TLN2: variants seen among roughly 807,000 people sequenced by gnomAD.
The protein encoded by TLN2 is talin 2, also known as talin-2.
A neutral mutation model predicts 294.7 loss-of-function variants in TLN2; 118 were observed. The ratio of observed to expected loss-of-function variants is 0.40; its 90% confidence interval spans 0.34 to 0.47. TLN2 has a LOEUF of 0.47. Ranked by LOEUF, TLN2 falls within the 20% of genes least tolerant of loss-of-function variation. The probability of loss-of-function intolerance (pLI) is 0.84; values close to 1 mark genes in which losing one functional copy is unlikely to be tolerated. For missense variants in TLN2, 3,083 were observed against 3,282.2 expected, an observed-to-expected ratio of 0.94 and a Z score of 1.48; for synonymous variants, 1,431 against 1,304.5, an observed-to-expected ratio of 1.10 and a Z score of -2.09.
chr15:62,711,826 A>C lies in TLN2; in HGVS notation c.2468-85A>C. ...TTTTGCTCCTGCTTACCAGAGGAGT[A>C]GAGACAAGACTGTAGTGGCTCCTGA... On this transcript the variant is annotated intron_variant, in intron 21 of 58. Transcript: ENST00000636159. 3 of 1,444,476 alleles carry C rather than the reference A, an allele frequency of 2.1e-6. No individual in the cohort carries two copies. The South Asian group carries it at 4.6e-5, about 22-fold the overall frequency. 89.5% of individuals were successfully genotyped at this position (1,444,476 alleles called of 1,614,324 possible).
In TLN2 at chr15:62,710,503, A is replaced by G. The variant is rs140307717; in HGVS notation, c.2468-1408A>G. Reference sequence around the variant, plus strand: ...ATTTGTTGTTGTTTGTTTGTTTTTGACAATCCTTTTATTTTGAAATACTTT... The same window carrying G: ...ATTTGTTGTTGTTTGTTTGTTTTTGGCAATCCTTTTATTTTGAAATACTTT... On this transcript the variant is annotated intron_variant, in intron 21 of 58. Transcript: ENST00000636159. Among the ~76,000 whole-genome samples, 589 of 152,258 alleles carry G rather than the reference A, an allele frequency of 3.9e-3. 4 individuals are homozygous for G. The highest frequency in any genetic ancestry group is 0.014 in the Middle Eastern group (4 of 294).
chr15:62,556,108 C>A (rs1341693945), intron 1 of TLN2, among the ~76,000 whole-genome samples: 1 of 150,862 alleles, frequency 6.6e-6, no homozygotes, highest in Non-Finnish European at 1.5e-5. Flanking sequence ...AATGGTAGTT[C>A]TCTCCATTAT....
chr15:62,663,527 A>G (rs2054156067), intron 9 of TLN2, among the ~76,000 whole-genome samples: 1 of 151,906 alleles, frequency 6.6e-6, no homozygotes, highest in African/African-American at 2.4e-5. Context: ...ATAGATAATC[A>G]GTCAGTCTAT....
intron 1 of TLN2, among the ~76,000 whole-genome samples, chr15:62,457,285 C>G (rs955027113): frequency 2.6e-5 from 4 of 152,284 alleles, no homozygotes; most frequent in African/African-American, 9.6e-5. Flanking sequence ...CGTGCATGCA[C>G]AGGCAGGCTC....
intron 36 of TLN2, chr15:62,755,324 T>G: frequency 1.7e-6 from 1 of 581,232 alleles, no homozygotes; most frequent in Non-Finnish European, 2.9e-6. Flanking sequence ...AGCACCTCCT[T>G]TTTTCTTATT....
At chr15:62,553,937 C>CT (rs145432218) in intron 1 of TLN2, among the ~76,000 whole-genome samples, 1,887 of 138,316 alleles carry the variant, frequency 0.014, 19 homozygotes, top group African/African-American at 0.018. Flanking sequence ...TTAATCTAAT[C>CT]TTTTTTTTTT....
chr15:62,454,208 T>C (rs1037271930), intron 1 of TLN2, among the ~76,000 whole-genome samples: 5 of 152,212 alleles, frequency 3.3e-5, no homozygotes, highest in African/African-American at 1.2e-4. Flanking sequence ...CTGATTGTAC[T>C]CCGGATGTTT....
chr15:62,772,839 T>C (rs1022756609), intron 42 of TLN2, among the ~76,000 whole-genome samples: 4 of 151,966 alleles, frequency 2.6e-5, no homozygotes, highest in African/African-American at 9.7e-5. Flanking sequence ...ATTTTTTGTA[T>C]TTTTAGTAGA....
intron 2 of TLN2, among the ~76,000 whole-genome samples, chr15:62,616,895 T>A (rs1434619962): frequency 6.6e-6 from 1 of 152,242 alleles, no homozygotes; most frequent in Non-Finnish European, 1.5e-5. Context: ...AAATGAGCAG[T>A]GCAGAGATTA....
intron 44 of TLN2, among the ~76,000 whole-genome samples, chr15:62,782,148 G>C (rs765368716): frequency 8.5e-5 from 13 of 152,226 alleles, no homozygotes; most frequent in Non-Finnish European, 1.5e-4. Flanking sequence ...GCTGTGCCCA[G>C]GTCCCCTCTG....
chr15:62,546,304 G>A lies in TLN2; in HGVS notation c.-237-43383G>A, dbSNP rs76471701. On this transcript the variant is annotated intron_variant, in intron 1 of 58. Transcript: ENST00000636159. The stretch of plus-strand genomic sequence containing the variant: ...GAAGCCTCCAGACAAGTGAGCTGGG[G>A]CACGGCTAATCTTCATCTGTGTTGG... Among the ~76,000 whole-genome samples, 1,472 of 152,286 alleles carry A rather than the reference G, an allele frequency of 9.7e-3. 17 individuals are homozygous for A. The highest frequency in any genetic ancestry group is 0.034 in the African/African-American group (1,419 of 41,542).
intron 1 of TLN2, among the ~76,000 whole-genome samples, chr15:62,572,653 T>C (rs1445704938): frequency 1.3e-5 from 2 of 152,200 alleles, no homozygotes; most frequent in Non-Finnish European, 1.5e-5. Context: ...GCTCAAAGCA[T>C]TGGAGACTAA....
intron 21 of TLN2, among the ~76,000 whole-genome samples, chr15:62,710,685 A>G (rs1304841709): frequency 7.6e-6 from 1 of 130,828 alleles, no homozygotes; most frequent in Non-Finnish European, 1.6e-5. Flanking sequence ...AACTACAGAC[A>G]TTTTTCAGAT....
At chr15:62,777,172 G>A (rs1174027959) in intron 43 of TLN2, among the ~76,000 whole-genome samples, 1 of 152,178 alleles carries the variant, frequency 6.6e-6, no homozygotes, top group Non-Finnish European at 1.5e-5. Context: ...TTCCTCAATT[G>A]TAAGATGGAA....
intron 1 of TLN2, among the ~76,000 whole-genome samples, chr15:62,561,008 A>G (rs1408819884): frequency 1.3e-5 from 2 of 152,158 alleles, no homozygotes; most frequent in Non-Finnish European, 2.9e-5. Context: ...GCTGCTTCCC[A>G]TTCTTCCTCT....
At chr15:62,689,877 T>TTTTTTTTTTTTTA in intron 12 of TLN2, among the ~76,000 whole-genome samples, 141 of 9,844 alleles carry the variant, frequency 0.014, 55 homozygotes, top group South Asian at 0.042. Flanking sequence ...TTTTTTTTTT[T>TTTTTTTTTTTTTA]ATTGGCTGAC....
intron 1 of TLN2, among the ~76,000 whole-genome samples, chr15:62,565,654 T>C (rs2043334402): frequency 6.6e-6 from 1 of 152,202 alleles, no homozygotes; most frequent in Non-Finnish European, 1.5e-5. Flanking sequence ...CAGTTGTGAG[T>C]CTAGGGTTAT....
intron 58 of TLN2, 91 bp from the exon 59 acceptor site, chr15:62,840,391 C>A: frequency 6.5e-7 from 1 of 1,535,838 alleles, no homozygotes; most frequent in South Asian, 1.3e-5. Context: ...CCCACGGTCG[C>A]GGGAGCCGTG....
chr15:62,535,467 T>TAC (rs35591215), intron 1 of TLN2, among the ~76,000 whole-genome samples: 36,894 of 148,848 alleles, frequency 0.25, 4,752 homozygotes, highest in East Asian at 0.44. Flanking sequence ...TGTCTGTGTG[T>TAC]ACACACACAC....
Sources: gnomAD v4.1 joint callset for allele counts (sites outside exome capture counted in the v4.1 genomes callset) on GRCh38, gnomAD v4.1.1 for gene constraint, MANE v1.5 for transcripts, NCBI Gene and HGNC (gene_info 2026-07-23, HGNC 2026-07-21) for gene names.